The following PLCH2 variants were observed in gnomAD, a reference collection of about 807,000 sequenced individuals.
The protein encoded by PLCH2 is 1-phosphatidylinositol 4,5-bisphosphate phosphodiesterase eta-2.
Under a neutral mutation model 134.7 loss-of-function variants are expected in PLCH2, and 98 were observed. That is an observed-to-expected ratio of 0.73 (90% CI 0.62 to 0.86). PLCH2 has a LOEUF of 0.86. Among genes scored for constraint, PLCH2 ranks in the 40% least tolerant of loss-of-function variants. The pLI is 0.00. For missense variants in PLCH2, 1,994 were observed against 1,986.6 expected (o/e 1.00, Z -0.07); for synonymous variants, 974 against 827.5 (o/e 1.18, Z -3.04).
chr1:2,497,353 T>G, intron 15 of PLCH2, 149 bp from the exon 16 acceptor site: 1 of 651,526 alleles, frequency 1.5e-6, no homozygotes, highest in South Asian at 1.8e-5. Context: ...GGTGTGAACC[T>G]TGGAGTCCCA....
rs2100639890 is a variant in PLCH2 at position 2,476,448 on chromosome 1, C to T, written c.-141C>T. Reference sequence around the variant, plus strand: ...AGCCCTGTGGGGGCTTCGGAGGGCCCTGAGGAGGAGGAGGAAGAGGCAGAG... The same window carrying T: ...AGCCCTGTGGGGGCTTCGGAGGGCCTTGAGGAGGAGGAGGAAGAGGCAGAG... On this transcript the variant is annotated 5_prime_UTR_variant, in exon 1 of 22. Transcript: ENST00000378486. The T allele has an allele frequency of 1.2e-6, 1 of 819,230 alleles. No individual in the cohort carries two copies. The highest frequency in any genetic ancestry group is 2.9e-5 in the East Asian group (1 of 34,922). 50.7% of individuals were successfully genotyped at this position (819,230 alleles called of 1,614,324 possible). A position where few individuals can be genotyped will look rare whatever the true frequency, so the allele number is the denominator to read the frequency against.
chr1:2,424,750 G>A (rs1265435594), upstream of PLCH2, among the ~76,000 whole-genome samples: 1 of 152,226 alleles, frequency 6.6e-6, no homozygotes. Context: ...CACTTTGGGA[G>A]GCCAAGGCGG....
chr1:2,455,102 C>T (rs1640426564), intron 2 of PLCH2, among the ~76,000 whole-genome samples: 2 of 152,218 alleles, frequency 1.3e-5, no homozygotes, highest in South Asian at 4.1e-4. Flanking sequence ...TGCTGAGCCC[C>T]CAGCGGAGCC....
chr1:2,499,019 C>T, intron 18 of PLCH2, 65 bp from the exon 19 acceptor site: 1 of 1,550,386 alleles, frequency 6.5e-7, no homozygotes, highest in Non-Finnish European at 8.7e-7. Flanking sequence ...CCGGGGGCTC[C>T]AGGCTGGAGC....
chr1:2,416,229 G>A, the PLCH2 span, among the ~76,000 whole-genome samples: 4 of 152,206 alleles, frequency 2.6e-5, no homozygotes, highest in African/African-American at 7.2e-5. Flanking sequence ...GCAGCAGGTC[G>A]GGGTCCCTGG....
In PLCH2 at chr1:2,497,625, A is replaced by ACTCAGGGCTCGGACG. The variant is rs757487973; in HGVS notation, c.2224+30_2224+44dup. ...ATGTGCCAGGGTGAGGCACTCGGAC[A>ACTCAGGGCTCGGACG]CTCAGGGCTCGGACGCTCAGGGCTC... is the stretch of plus-strand genomic sequence containing the variant. On this transcript the variant is annotated intron_variant, in intron 16 of 21. Coordinates refer to ENST00000378486, the MANE Select transcript of PLCH2 (RefSeq NM_014638.4). The ACTCAGGGCTCGGACG allele has an allele frequency of 1.3e-6, 2 of 1,520,772 alleles. No individual in the cohort carries two copies. The highest frequency in any genetic ancestry group is 1.8e-6 in the Non-Finnish European group (2 of 1,119,888). 94.2% of individuals were successfully genotyped at this position (1,520,772 alleles called of 1,614,324 possible).
At chr1:2,491,380 C>A (rs372581639) in intron 11 of PLCH2, 45 bp downstream of exon 11, 3 of 1,590,620 alleles carry the variant, frequency 1.9e-6, no homozygotes, top group Admixed American at 1.7e-5. Flanking sequence ...CAGGCCCCCC[C>A]GACAGCCAGC....
intron 11 of PLCH2, among the ~76,000 whole-genome samples, chr1:2,491,711 G>T (rs1642592986): frequency 6.6e-6 from 1 of 152,246 alleles, no homozygotes; most frequent in Non-Finnish European, 1.5e-5. Context: ...GTGACAGGCA[G>T]GGTGGGCCGG....
intron 21 of PLCH2, 198 bp downstream of exon 21, chr1:2,502,607 C>T (rs748181231): frequency 2.3e-5 from 16 of 702,214 alleles, no homozygotes; most frequent in Middle Eastern, 4.9e-4. Flanking sequence ...GGCAGCCATT[C>T]GCCAGCAGCC....
At chr1:2,428,871 G>A (rs967152008) in intron 1 of PLCH2, among the ~76,000 whole-genome samples, 1 of 152,270 alleles carries the variant, frequency 6.6e-6, no homozygotes, top group African/African-American at 2.4e-5. Flanking sequence ...AGGCTCCGGA[G>A]AGAGGGCTGG....
intron 5 of PLCH2, among the ~76,000 whole-genome samples, 164 bp from the exon 6 acceptor site, chr1:2,486,743 G>A (rs887634101): frequency 9.9e-5 from 15 of 152,206 alleles, no homozygotes; most frequent in African/African-American, 2.4e-4. Flanking sequence ...CAAAAGCCAC[G>A]TGATCCACGG....
intron 4 of PLCH2, among the ~76,000 whole-genome samples, chr1:2,482,567 G>C (rs542399328): frequency 1.0e-3 from 156 of 152,348 alleles, no homozygotes; most frequent in African/African-American, 3.5e-3. Flanking sequence ...TGGGCACACA[G>C]CCTGTCCCTG....
Position 2,480,226 on chromosome 1 carries a change from G to A in PLCH2, c.559G>A (p.Gly187Ser). 6.2e-7 allele frequency: 1 copy of A among 1,612,860 alleles called. No homozygotes were observed. The highest frequency in any genetic ancestry group is 8.5e-7 in the Non-Finnish European group (1 of 1,179,842). ...TGACGAGGCCGACAAGAACGGGGAT[G>A]GCAGCCTGAGCATTGGCGAGGTCCT... is the stretch of plus-strand genomic sequence containing the variant. ...TFDEADKNGD[G>S]SLSIGEVLQL... is the part of the protein sequence containing the mutation. The change falls in exon 4 of 22, where the codon GGC (glycine) becomes AGC (serine). Residue 187 changes from glycine to serine, a missense_variant. Transcript: ENST00000378486.
chr1:2,426,129 A>T (rs1412543433), intron 1 of PLCH2: 1 of 152,230 alleles, frequency 6.6e-6, no homozygotes, highest in African/African-American at 2.4e-5. Context: ...CTGGTGAAGG[A>T]CACTGTATCT....
In PLCH2 at chr1:2,470,063, C is replaced by T. The variant is rs76770418; in HGVS notation, c.43+2401C>T. 1.4e-3 allele frequency among the ~76,000 whole-genome samples: 211 copies of T among 152,340 alleles called. 1 individual carries two copies. Among genetic ancestry groups the T allele is most frequent in the African/African-American group, 4.7e-3 (197 of 41,574 alleles). On this transcript the variant is annotated intron_variant, in intron 1 of 21. Transcript: ENST00000449969. The stretch of plus-strand genomic sequence containing the variant: ...CAGGCAGGTCCCAGGCACCATGATG[C>T]AGCCCTGACTTGGGGACGGTGGCCA...
chr1:2,484,546 G>A lies in PLCH2; in HGVS notation c.744G>A (p.Met248Ile), dbSNP rs776376063. 1.2e-6 allele frequency: 2 copies of A among 1,613,230 alleles called. No individual in the cohort carries two copies. The highest frequency in any genetic ancestry group is 1.7e-5 in the Admixed American group (1 of 60,014). Residue 248 changes from methionine (M) to isoleucine (I), a missense_variant, in exon 5 of 22, where the codon ATG becomes ATA. By Grantham distance (10) the Met-to-Ile change is conservative. Around this residue, in one of 2 missense-constraint regions of PLCH2, gnomAD observed 1,094 missense variants for 1,234.3 expected, o/e 0.89. Transcript: ENST00000378486. ...CCCGCCGGGACCTCTACCTGCTCAT[G>A]CTGACCTACAGCAACCACAAGGACC... ...MSTRRDLYLL[M>I]LTYSNHKDHL...
At chr1:2,431,643 T>C (rs1414831082) in intron 2 of PLCH2, among the ~76,000 whole-genome samples, 2 of 152,002 alleles carry the variant, frequency 1.3e-5, no homozygotes, top group Non-Finnish European at 2.9e-5. Context: ...GAGCCAGCGG[T>C]CCTATATGCA....
At chr1:2,472,878 G>T (rs946951516), upstream of PLCH2, among the ~76,000 whole-genome samples, 7 of 152,148 alleles carry the variant, frequency 4.6e-5, no homozygotes, top group Non-Finnish European at 1.0e-4. Context: ...CGTGGGAGGG[G>T]CTGCGGTACC....
At chr1:2,419,880 G>T in the PLCH2 span, among the ~76,000 whole-genome samples, 1 of 151,994 alleles carries the variant, frequency 6.6e-6, no homozygotes, top group Non-Finnish European at 1.5e-5. Context: ...GGGCCAGCCA[G>T]GCCCTTTCTG....
Sources: gnomAD v4.1 joint callset for allele counts (sites outside exome capture counted in the v4.1 genomes callset) on GRCh38, gnomAD v4.1.1 for gene constraint, gnomAD v4.1.1 regional missense constraint, MANE v1.5 for transcripts, NCBI Gene and HGNC (gene_info 2026-07-23, HGNC 2026-07-21) for gene names.